The following FHAD1 variants were observed in gnomAD, a reference collection of about 807,000 sequenced individuals.
FHAD1 encodes forkhead associated phosphopeptide binding domain 1.
Under a neutral mutation model 191.3 loss-of-function variants are expected in FHAD1, and 146 were observed. The observed-to-expected ratio is 0.76, with a 90% CI of 0.67 to 0.88. The LOEUF is 0.88. Ranked by LOEUF, FHAD1 falls within the 40% of genes least tolerant of loss-of-function variation. The pLI is 0.00. For synonymous variants in FHAD1, 616 were observed against 672.3 expected, an observed-to-expected ratio of 0.92 and a Z score of 1.29; for missense variants, 1,635 against 1,785.8, an observed-to-expected ratio of 0.92 and a Z score of 1.52.
chr1:15,285,752 C>T lies in FHAD1; in HGVS notation c.301-3647C>T, dbSNP rs116613828. On this transcript the variant is annotated intron_variant, in intron 3 of 33. Coordinates refer to ENST00000688493, the MANE Select transcript of FHAD1 (RefSeq NM_001391957.1). ...GCGAGCCAGGGCTCAAAACCAGCTT[C>T]TCTGTTTGTTCATTATGCACAATAG... Among the ~76,000 whole-genome samples, 472 of 152,300 alleles carry T rather than the reference C, an allele frequency of 3.1e-3. 3 individuals carry two copies. Among genetic ancestry groups the T allele is most frequent in the African/African-American group, 0.011 (449 of 41,540 alleles).
chr1:15,395,307 CAAAAA>C (rs34527814), intron 33 of FHAD1, among the ~76,000 whole-genome samples: 1 of 101,436 alleles, frequency 9.9e-6, no homozygotes, highest in Non-Finnish European at 2.1e-5. Flanking sequence ...GACTCCATCT[CAAAAA>C]AAAAAAAAAA....
At chr1:15,263,809 C>T (rs1250338942) in intron 2 of FHAD1, among the ~76,000 whole-genome samples, 1 of 152,252 alleles carries the variant, frequency 6.6e-6, no homozygotes, top group Non-Finnish European at 1.5e-5. Flanking sequence ...GCGTGAGCCA[C>T]TGTGCCCAGC....
At position 15,272,352 on chromosome 1, in the gene FHAD1, C is replaced by G. The variant is rs1169242864; in HGVS notation, c.123C>G (p.Leu41=). 6.4e-7 allele frequency: 1 copy of G among 1,551,634 alleles called. No homozygotes were observed. The highest frequency in any genetic ancestry group is 1.2e-5 in the South Asian group (1 of 84,066). The change falls in exon 3 of 34, where the codon CTC becomes CTG. Residue 41 remains leucine, a synonymous_variant. Coordinates refer to ENST00000688493, the MANE Select transcript of FHAD1 (RefSeq NM_001391957.1). ...CTGACATCGACAACCACCATGCACT[C>G]ATTGAATATAACGAGGCGGAGTGCA... ...QSPDIDNHHA[L]IEYNEAECSF...
At chr1:15,309,846 C>T (rs964992253) in intron 7 of FHAD1, among the ~76,000 whole-genome samples, 2 of 152,028 alleles carry the variant, frequency 1.3e-5, no homozygotes, top group African/African-American at 2.4e-5. Flanking sequence ...TGTCGGGAGG[C>T]CCCTGGGAAC....
intron 4 of FHAD1, among the ~76,000 whole-genome samples, chr1:15,290,694 C>CTT (rs34777607): frequency 8.7e-5 from 12 of 138,302 alleles, no homozygotes; most frequent in East Asian, 6.3e-4. Flanking sequence ...TTAATATGAA[C>CTT]TTTTTTTTTT....
At position 15,289,773 on chromosome 1, in the gene FHAD1, G is replaced by A. The variant is rs1377307809; in HGVS notation, c.568+107G>A. 1.4e-6 allele frequency: 2 copies of A among 1,401,556 alleles called. No individual in the cohort carries two copies. The highest frequency in any genetic ancestry group is 1.4e-5 in the African/African-American group (1 of 69,074). The allele number at this position is 1,401,556 out of a possible 1,614,324, so 86.8% of individuals were successfully genotyped here. ...TTCTAAAAGTAGAACATATTCAATT[G>A]TAAAAAATGAAAATAAATTCAGGAT... On this transcript the variant is annotated intron_variant, in intron 4 of 33. Coordinates refer to ENST00000688493, the MANE Select transcript of FHAD1 (RefSeq NM_001391957.1). This position sits in a 1 kb window ranked among gnomAD's most constrained non-coding sequence, Gnocchi z 4.2.
upstream of FHAD1, chr1:15,247,215 C>A (rs1752018): frequency 0.3 from 49,123 of 163,122 alleles, 8,596 homozygotes; most frequent in Non-Finnish European, 0.39. Context: ...CCCGCGGCGC[C>A]TGGCGGCGTT....
chr1:15,358,400 G>A (rs1693558604), intron 21 of FHAD1, 117 bp downstream of exon 21: 4 of 987,128 alleles, frequency 4.1e-6, no homozygotes, highest in Non-Finnish European at 5.9e-6. Context: ...GATGTTCTGG[G>A]CCAAGTAGCT....
Position 15,327,165 on chromosome 1 carries a change from G to A in FHAD1, c.1557+23G>A, listed in dbSNP as rs763013552. ...CAGGTTAGTCTGCCGTCCCTGCCACGTGGCTCCTTCACTTTCCTCTTCTTC... is the reference window on the plus strand; with the variant it reads ...CAGGTTAGTCTGCCGTCCCTGCCACATGGCTCCTTCACTTTCCTCTTCTTC... On this transcript the variant is annotated intron_variant, in intron 12 of 33. Transcript: ENST00000688493. This position sits in a 1 kb window ranked among gnomAD's most constrained non-coding sequence, Gnocchi z 5.1. The A allele has an allele frequency of 1.8e-5, 27 of 1,502,400 alleles. No homozygotes were observed. The East Asian group carries it at 3.7e-4, about 21-fold the overall frequency. The allele number at this position is 1,502,400 out of a possible 1,614,324, so 93.1% of individuals were successfully genotyped here.
intron 2 of FHAD1, among the ~76,000 whole-genome samples, chr1:15,258,135 C>A (rs1025175520): frequency 6.6e-6 from 1 of 152,132 alleles, no homozygotes; most frequent in African/African-American, 2.4e-5. Flanking sequence ...AGCCACTGCA[C>A]CTGGCCTCAC....
chr1:15,296,563 A>T, intron 4 of FHAD1, 121 bp from the exon 5 acceptor site: 1 of 1,016,904 alleles, frequency 9.8e-7, no homozygotes, highest in Non-Finnish European at 1.5e-6. Context: ...TTTAATTTTT[A>T]AATTACATAA....
chr1:15,304,609 A>G (rs16851576), intron 6 of FHAD1, among the ~76,000 whole-genome samples: 3,082 of 152,234 alleles, frequency 0.02, 99 homozygotes, highest in African/African-American at 0.071. Context: ...GTGCCTTTTT[A>G]TGGGAGAGTT....
In FHAD1 at chr1:15,360,717, G is replaced by A. The variant is rs1464562698; in HGVS notation, c.2962+14G>A. The A allele has an allele frequency of 1.1e-5, 17 of 1,547,620 alleles. No homozygotes were observed. In the South Asian group the frequency reaches 2.0e-4, roughly 18 times the overall value. ...ACAATGACCCAGGTAAGTCCGAAGG[G>A]AGGCCAAGGAAATCTTAGTGTTCGG... On this transcript the variant is annotated intron_variant, in intron 22 of 33. Coordinates refer to ENST00000688493, the MANE Select transcript of FHAD1 (RefSeq NM_001391957.1).
chr1:15,257,611 G>C (rs983300018), intron 2 of FHAD1, among the ~76,000 whole-genome samples: 1 of 152,138 alleles, frequency 6.6e-6, no homozygotes, highest in South Asian at 2.1e-4. Context: ...GTCTGATCTC[G>C]TCAGTCCTCA....
Position 15,376,337 on chromosome 1 carries a change from G to A in FHAD1, c.3705+607G>A, listed in dbSNP as rs112951304. ...GATCTCCTGACCTCATGATCCGCCC[G>A]CCTCGGCCTCCCAAAGTGCTGGGAT... On this transcript the variant is annotated intron_variant, in intron 28 of 33. Coordinates refer to ENST00000688493, the MANE Select transcript of FHAD1 (RefSeq NM_001391957.1). Among the ~76,000 whole-genome samples the A allele has an allele frequency of 6.0e-4, 91 of 152,190 alleles. 1 individual carries two copies. The highest frequency in any genetic ancestry group is 2.0e-3 in the African/African-American group (84 of 41,514).
At chr1:15,353,048 C>G in intron 20 of FHAD1, 64 bp downstream of exon 20, 2 of 1,256,842 alleles carry the variant, frequency 1.6e-6, no homozygotes, top group Non-Finnish European at 2.3e-6. Context: ...TGCTCTAGAG[C>G]CAGGCTCTGG....
intron 3 of FHAD1, among the ~76,000 whole-genome samples, chr1:15,285,529 A>T (rs1405638357): frequency 6.6e-6 from 1 of 151,742 alleles, no homozygotes; most frequent in African/African-American, 2.4e-5. Flanking sequence ...GCAAAATTCC[A>T]TCTCCATAAA....
rs1019805481 is a variant in FHAD1 at position 15,271,912 on chromosome 1, G to T, written c.94-411G>T. On this transcript the variant is annotated intron_variant, in intron 2 of 33. Transcript: ENST00000688493. ...ATACCCATGTGGAGTCAGGGAAAAA[G>T]AAAATGGCCAATTCCTTGACGATTT... Among the ~76,000 whole-genome samples, 5 of 152,064 alleles carry T rather than the reference G, an allele frequency of 3.3e-5. No homozygotes were observed. The South Asian group carries it at 8.3e-4, about 25-fold the overall frequency.
intron 7 of FHAD1, among the ~76,000 whole-genome samples, chr1:15,309,274 TTAGCC>T (rs1436673468): frequency 9.9e-5 from 15 of 152,112 alleles, no homozygotes; most frequent in African/African-American, 3.1e-4. Flanking sequence ...CAGCTGTTTC[TTAGCC>T]TGGATTCATT....
Sources: gnomAD v4.1 joint callset for allele counts (sites outside exome capture counted in the v4.1 genomes callset) on GRCh38, gnomAD v4.1.1 for gene constraint, Gnocchi (gnomAD v3.1) non-coding constraint, MANE v1.5 for transcripts, NCBI Gene and HGNC (gene_info 2026-07-23, HGNC 2026-07-21) for gene names.